Variants in RPRD1B observed in about 807,000 individuals in gnomAD.
RPRD1B encodes the protein regulation of nuclear pre-mRNA domain-containing protein 1B.
A neutral mutation model predicts 41.5 loss-of-function variants in RPRD1B; 11 were observed. That is an observed-to-expected ratio of 0.27 (90% CI 0.17 to 0.44). The LOEUF (loss-of-function observed/expected upper bound fraction) is 0.44, where lower values mean the gene tolerates loss of function less well. Ranked by LOEUF, RPRD1B falls within the 20% of genes least tolerant of loss-of-function variation. The probability of loss-of-function intolerance (pLI) is 1.00; values close to 1 mark genes in which losing one functional copy is unlikely to be tolerated. For synonymous variants in RPRD1B, 158 were observed against 155.6 expected, an observed-to-expected ratio of 1.02 and a Z score of -0.12; for missense variants, 248 against 389.9, an observed-to-expected ratio of 0.64 and a Z score of 3.06.
chr20:38,064,172 C>G (rs956467900), intron 5 of RPRD1B, among the ~76,000 whole-genome samples: 4 of 152,180 alleles, frequency 2.6e-5, no homozygotes, highest in African/African-American at 9.7e-5. Flanking sequence ...CTGAGGTGAT[C>G]TCTTTCCTTT....
rs1429308569 is a variant in RPRD1B, at chr20:38,090,196, T to C, written c.*321T>C. 1.3e-5 allele frequency: 13 copies of C among 1,030,224 alleles called. No individual in the cohort carries two copies. Among genetic ancestry groups the C allele is most frequent in the African/African-American group, 3.4e-5 (2 of 59,206 alleles). The allele number at this position is 1,030,224 out of a possible 1,614,324, so 63.8% of individuals were successfully genotyped here. A position where few individuals can be genotyped will look rare whatever the true frequency, so the allele number is the denominator to read the frequency against. On this transcript the variant is annotated 3_prime_UTR_variant, in exon 7 of 7. Transcript: ENST00000373433. The stretch of plus-strand genomic sequence containing the variant: ...CCTAAGAAGTTATGAAAATCATGTG[T>C]ACTTCTGGAAGCTTTCGAAAGAATC...
chr20:38,057,732 A>G, intron 4 of RPRD1B, 88 bp downstream of exon 4: 1 of 921,436 alleles, frequency 1.1e-6, no homozygotes, highest in Non-Finnish European at 1.8e-6. Flanking sequence ...GCCAGTGACC[A>G]CTGGTATGGA....
Position 38,062,625 on chromosome 20 carries a change from C to T in RPRD1B, c.655+3105C>T, listed in dbSNP as rs570911022. On this transcript the variant is annotated intron_variant, in intron 5 of 6. Transcript: ENST00000373433. ...CTGTCACCGCCTCTACCACTGCCAC[C>T]TGGTACAGGTCTCTACCATGTTCAG... Among the ~76,000 whole-genome samples the T allele has an allele frequency of 7.9e-4, 120 of 152,274 alleles. 3 individuals are homozygous for T. The South Asian group carries it at 0.024, about 30-fold the overall frequency.
intron 5 of RPRD1B, among the ~76,000 whole-genome samples, chr20:38,061,772 C>T (rs1021073229): frequency 6.6e-6 from 1 of 152,214 alleles, no homozygotes; most frequent in Non-Finnish European, 1.5e-5. Flanking sequence ...ATCTTAACTT[C>T]ACCCCAGTAG....
chr20:38,092,097 G>T lies in RPRD1B; in HGVS notation c.*2222G>T. 1.0e-6 allele frequency: 1 copy of T among 985,698 alleles called. No homozygotes were observed. The highest frequency in any genetic ancestry group is 4.7e-5 in the South Asian group (1 of 21,280). 61.1% of individuals were successfully genotyped at this position (985,698 alleles called of 1,614,324 possible). On this transcript the variant is annotated 3_prime_UTR_variant, in exon 7 of 7. Coordinates refer to ENST00000373433, the MANE Select transcript of RPRD1B (RefSeq NM_021215.4). The stretch of plus-strand genomic sequence containing the variant: ...GTATGTATGAGGTGACTTGGTGGGT[G>T]GGGTGGGTGGTTTTTGTTTTTGTGT...
At chr20:38,034,141 C>T (rs1049288492) in intron 1 of RPRD1B, 43 bp downstream of exon 1, 7 of 1,591,444 alleles carry the variant, frequency 4.4e-6, no homozygotes, top group East Asian at 2.2e-5. Context: ...CCCGGATTGT[C>T]CTCTCGCCCA....
At chr20:38,068,024 T>C (rs2074374661) in intron 6 of RPRD1B, among the ~76,000 whole-genome samples, 1 of 152,232 alleles carries the variant, frequency 6.6e-6, no homozygotes, top group South Asian at 2.1e-4. Flanking sequence ...GTTAACTCTT[T>C]GTTCTGTTTT....
chr20:38,076,539 C>G (rs2074461097), intron 6 of RPRD1B, among the ~76,000 whole-genome samples: 1 of 152,350 alleles, frequency 6.6e-6, no homozygotes, highest in East Asian at 1.9e-4. Context: ...CACCACCCTC[C>G]CTTTATAACT....
intron 6 of RPRD1B, among the ~76,000 whole-genome samples, chr20:38,080,919 T>C (rs2074506786): frequency 6.6e-6 from 1 of 152,228 alleles, no homozygotes; most frequent in African/African-American, 2.4e-5. Context: ...TACTGTAGCC[T>C]TATAGTATAG....
At chr20:38,076,936 T>TTTTTTTTTTTTG (rs2074467656) in intron 6 of RPRD1B, among the ~76,000 whole-genome samples, 1 of 123,340 alleles carries the variant, frequency 8.1e-6, no homozygotes, top group Non-Finnish European at 1.7e-5. Context: ...TTTTTTTTTT[T>TTTTTTTTTTTTG]GAGATGGAGT....
In RPRD1B at chr20:38,091,702, A is replaced by AT; in HGVS notation, c.*1828dup. ...GGAGCAGGCCCATCTGGGACACTCT[A>AT]TGCTTTCACCAAGGAAGTGCGATCT... On this transcript the variant is annotated 3_prime_UTR_variant, in exon 7 of 7. Coordinates refer to ENST00000373433, the MANE Select transcript of RPRD1B (RefSeq NM_021215.4). 1.0e-6 allele frequency: 1 copy of AT among 985,590 alleles called. No individual in the cohort carries two copies. The allele number at this position is 985,590 out of a possible 1,614,324, so 61.1% of individuals were successfully genotyped here.
intron 1 of RPRD1B, among the ~76,000 whole-genome samples, chr20:38,038,371 G>T (rs1427942491): frequency 6.7e-6 from 1 of 150,062 alleles, no homozygotes; most frequent in South Asian, 2.1e-4. Context: ...TGCAGTTGGC[G>T]CGATCTCGGC....
At chr20:38,061,110 T>C (rs901593014) in intron 5 of RPRD1B, among the ~76,000 whole-genome samples, 1 of 152,248 alleles carries the variant, frequency 6.6e-6, no homozygotes, top group Admixed American at 6.5e-5. Flanking sequence ...AAAATACTTT[T>C]TTAATTTTGA....
chr20:38,042,713 C>T (rs558551624), intron 2 of RPRD1B, among the ~76,000 whole-genome samples: 1 of 152,262 alleles, frequency 6.6e-6, no homozygotes, highest in African/African-American at 2.4e-5. Flanking sequence ...GCAGCTCGTC[C>T]ACAGTAGGAG....
At position 38,092,214 on chromosome 20, in the gene RPRD1B, T is replaced by C. The variant is rs2074617055; in HGVS notation, c.*2339T>C. 6 of 985,586 alleles carry C rather than the reference T, an allele frequency of 6.1e-6. No individual in the cohort carries two copies. Among genetic ancestry groups the C allele is most frequent in the Non-Finnish European group, 7.2e-6 (6 of 829,788 alleles). The allele number at this position is 985,586 out of a possible 1,614,324, so 61.1% of individuals were successfully genotyped here. On this transcript the variant is annotated 3_prime_UTR_variant, in exon 7 of 7. Transcript: ENST00000373433. ...TCTTCAATCTTCCCTTGTTTTTGTT[T>C]GTTTGTTTTTCTTAAAGAATATTTT...
chr20:38,049,805 C>T (rs1388756730), intron 3 of RPRD1B: 3 of 471,052 alleles, frequency 6.4e-6, no homozygotes, highest in South Asian at 1.5e-5. Flanking sequence ...CCTGGAGGAT[C>T]GAGTCCAAGT....
intron 6 of RPRD1B, among the ~76,000 whole-genome samples, chr20:38,089,435 AAG>A (rs937603283): frequency 6.6e-6 from 1 of 152,200 alleles, no homozygotes; most frequent in Admixed American, 6.5e-5. Context: ...AACCAACAAA[AAG>A]AGAATGCAAA....
At position 38,090,837 on chromosome 20, in the gene RPRD1B, A is replaced by G; in HGVS notation, c.*962A>G. The G allele has an allele frequency of 2.0e-6, 2 of 985,490 alleles. No individual in the cohort carries two copies. The highest frequency in any genetic ancestry group is 1.2e-6 in the Non-Finnish European group (1 of 829,956). The allele number at this position is 985,490 out of a possible 1,614,324, so 61.0% of individuals were successfully genotyped here. On this transcript the variant is annotated 3_prime_UTR_variant, in exon 7 of 7. Coordinates refer to ENST00000373433, the MANE Select transcript of RPRD1B (RefSeq NM_021215.4). ...ATCCGCTGTCTGGGTGCATGTCCAC[A>G]GTACGGTGGCTAAACTCGAACATCA... is the stretch of plus-strand genomic sequence containing the variant.
At chr20:38,041,565 G>C (rs759726749) in intron 2 of RPRD1B, among the ~76,000 whole-genome samples, 11 of 152,092 alleles carry the variant, frequency 7.2e-5, no homozygotes, top group Non-Finnish European at 1.5e-4. Flanking sequence ...TTATTAACTT[G>C]AAAAAAATAC....
Sources: gnomAD v4.1 joint callset for allele counts (sites outside exome capture counted in the v4.1 genomes callset) on GRCh38, gnomAD v4.1.1 for gene constraint, MANE v1.5 for transcripts, NCBI Gene and HGNC (gene_info 2026-07-23, HGNC 2026-07-21) for gene names.